Variants in SMOX observed in about 807,000 individuals in gnomAD.
The protein encoded by SMOX is flavin containing amine oxidase.
SMOX carries 22 observed loss-of-function variants against 51.0 expected under a neutral mutation model. That is an observed-to-expected ratio of 0.43 (90% CI 0.31 to 0.62). SMOX has a LOEUF of 0.62. Among genes scored for constraint, SMOX ranks in the 20% least tolerant of loss-of-function variants. The pLI is 0.10. For missense variants in SMOX, 566 were observed against 777.7 expected, an observed-to-expected ratio of 0.73 and a Z score of 3.24; for synonymous variants, 282 against 307.8, an observed-to-expected ratio of 0.92 and a Z score of 0.88.
chr20:4,187,586 G>A lies in SMOX; in HGVS notation c.*179G>A, dbSNP rs554117306. On this transcript the variant is annotated 3_prime_UTR_variant, in exon 7 of 7. Transcript: ENST00000305958. This position sits in a 1 kb window ranked among gnomAD's most constrained non-coding sequence, Gnocchi z 4.8. ...CTTTTCTTTTTCTCCAGGCTGGGCC[G>A]TGAGCAGGTGGGCCGTTGAGTTACC... 9.1e-6 allele frequency: 8 copies of A among 874,660 alleles called. No individual in the cohort carries two copies. The highest frequency in any genetic ancestry group is 2.8e-5 in the East Asian group (1 of 36,334). 54.2% of individuals were successfully genotyped at this position (874,660 alleles called of 1,614,324 possible).
At chr20:4,162,271 G>A (rs576692359) in intron 1 of SMOX, among the ~76,000 whole-genome samples, 72 of 152,354 alleles carry the variant, frequency 4.7e-4, no homozygotes, top group African/African-American at 1.7e-3. Flanking sequence ...CTCCCAGGGC[G>A]GGGTGAGGCG....
At chr20:4,169,234 C>G (rs1986716947) in intron 1 of SMOX, among the ~76,000 whole-genome samples, 1 of 152,166 alleles carries the variant, frequency 6.6e-6, no homozygotes, top group South Asian at 2.1e-4. Context: ...AACTCCTGAG[C>G]TCAAGTGATC....
rs930503757 is a variant in SMOX at position 4,181,098 on chromosome 20, G to A, written c.436-705G>A. Among the ~76,000 whole-genome samples, 13 of 152,196 alleles carry A rather than the reference G, an allele frequency of 8.5e-5. No individual in the cohort carries two copies. The highest frequency in any genetic ancestry group is 1.2e-4 in the African/African-American group (5 of 41,434). On this transcript the variant is annotated intron_variant, in intron 3 of 6. Transcript: ENST00000305958. The surrounding 1 kb of genome is among the most constrained non-coding windows in gnomAD (Gnocchi z 5.6). ...ACCCCTTTTCAAGTGACTGATCGTC[G>A]TTATCTGTTGATGAGGTGTGGGCTG...
intron 1 of SMOX, among the ~76,000 whole-genome samples, chr20:4,161,062 A>G (rs1986288779): frequency 6.6e-6 from 1 of 152,228 alleles, no homozygotes; most frequent in African/African-American, 2.4e-5. Context: ...TGAAAGAGTC[A>G]GCGGAAAGTG....
intron 1 of SMOX, among the ~76,000 whole-genome samples, chr20:4,151,356 T>A (rs1985752030): frequency 6.6e-6 from 1 of 152,232 alleles, no homozygotes; most frequent in African/African-American, 2.4e-5. Context: ...GAGAATGTTA[T>A]AGAAACTTTT....
At chr20:4,157,714 C>T (rs561434297) in intron 1 of SMOX, among the ~76,000 whole-genome samples, 3 of 151,858 alleles carry the variant, frequency 2.0e-5, no homozygotes, top group East Asian at 2.0e-4. Flanking sequence ...TGGGAGGGGG[C>T]GGTGCTGTGC....
intron 1 of SMOX, among the ~76,000 whole-genome samples, chr20:4,164,945 A>T (rs1986491274): frequency 6.6e-6 from 1 of 150,768 alleles, no homozygotes; most frequent in Non-Finnish European, 1.5e-5. Context: ...TGGCATGATC[A>T]TGGCTCATTG....
intron 1 of SMOX, among the ~76,000 whole-genome samples, chr20:4,151,051 C>G (rs1251161003): frequency 6.6e-6 from 1 of 152,064 alleles, no homozygotes; most frequent in African/African-American, 2.4e-5. Flanking sequence ...AGGCTGGTCT[C>G]GAACTCCTGA....
Position 4,183,327 on chromosome 20 carries a change from C to A in SMOX, c.1370-167C>A, listed in dbSNP as rs1387509654. 2.1e-6 allele frequency: 2 copies of A among 966,766 alleles called. No individual in the cohort carries two copies. The highest frequency in any genetic ancestry group is 2.5e-5 in the East Asian group (1 of 40,250). 59.9% of individuals were successfully genotyped at this position (966,766 alleles called of 1,614,324 possible). A position where few individuals can be genotyped will look rare whatever the true frequency, so the allele number is the denominator to read the frequency against. ...GGAGGCGCTGAGTGGGTACACAGCT[C>A]GAGCCCCAGCCTCCCTCCTTCCTCT... On this transcript the variant is annotated intron_variant, in intron 5 of 6. Coordinates refer to ENST00000305958, the MANE Select transcript of SMOX (RefSeq NM_175839.3). The surrounding 1 kb of genome is among the most constrained non-coding windows in gnomAD (Gnocchi z 4.3).
chr20:4,187,708 G>A lies in SMOX; in HGVS notation c.*301G>A, dbSNP rs180822100. Reference sequence around the variant, plus strand: ...TTTGCATTTTGGGATAATAAAAAAGGCTCCCTCCCCTGCCCCTCAGCTTCT... The same window carrying A: ...TTTGCATTTTGGGATAATAAAAAAGACTCCCTCCCCTGCCCCTCAGCTTCT... On this transcript the variant is annotated 3_prime_UTR_variant, in exon 7 of 7. Coordinates refer to ENST00000305958, the MANE Select transcript of SMOX (RefSeq NM_175839.3). This position sits in a 1 kb window ranked among gnomAD's most constrained non-coding sequence, Gnocchi z 4.8. The A allele has an allele frequency of 1.5e-4, 42 of 283,694 alleles. No homozygotes were observed. Among genetic ancestry groups the A allele is most frequent in the African/African-American group, 7.8e-4 (36 of 46,446 alleles). 17.6% of individuals were successfully genotyped at this position (283,694 alleles called of 1,614,324 possible).
At position 4,175,276 on chromosome 20, in the gene SMOX, C is replaced by T; in HGVS notation, c.208+13C>T. On this transcript the variant is annotated intron_variant, in intron 2 of 6. Coordinates refer to ENST00000305958, the MANE Select transcript of SMOX (RefSeq NM_175839.3). ...AGTGTGAAACTTGGTAAGTGCCACCCAGTCCAGCCCAGCCACCTCCCCAGG... is the reference window on the plus strand; with the variant it reads ...AGTGTGAAACTTGGTAAGTGCCACCTAGTCCAGCCCAGCCACCTCCCCAGG... 1 of 1,611,156 alleles carries T rather than the reference C, an allele frequency of 6.2e-7. No individual in the cohort carries two copies. The highest frequency in any genetic ancestry group is 8.5e-7 in the Non-Finnish European group (1 of 1,177,702).
intron 1 of SMOX, among the ~76,000 whole-genome samples, chr20:4,160,371 C>T (rs971788056): frequency 1.3e-5 from 2 of 152,070 alleles, no homozygotes; most frequent in East Asian, 1.9e-4. Flanking sequence ...GGGCAGTCCT[C>T]GGGCCTGCCG....
intron 1 of SMOX, among the ~76,000 whole-genome samples, chr20:4,157,587 G>C (rs1451363068): frequency 1.2e-4 from 18 of 152,152 alleles, no homozygotes. Flanking sequence ...GAGGCATCAG[G>C]GACTACCTTC....
intron 2 of SMOX, among the ~76,000 whole-genome samples, chr20:4,176,526 C>T (rs376307952): frequency 1.4e-4 from 22 of 152,238 alleles, no homozygotes; most frequent in Admixed American, 3.9e-4. Flanking sequence ...AAAAACAAAA[C>T]GAAACACCCC....
Position 4,183,393 on chromosome 20 carries a change from G to C in SMOX, c.1370-101G>C. 2 of 1,570,988 alleles carry C rather than the reference G, an allele frequency of 1.3e-6. No homozygotes were observed. The highest frequency in any genetic ancestry group is 8.7e-7 in the Non-Finnish European group (1 of 1,144,958). ...TACCCCTGGCAGTCTGGTCCTCCCGGAGCCCTGGAGGTGGGGTGGGGGGTT... is the reference window on the plus strand; with the variant it reads ...TACCCCTGGCAGTCTGGTCCTCCCGCAGCCCTGGAGGTGGGGTGGGGGGTT... On this transcript the variant is annotated intron_variant, in intron 5 of 6. Transcript: ENST00000305958. This position sits in a 1 kb window ranked among gnomAD's most constrained non-coding sequence, Gnocchi z 4.3.
intron 1 of SMOX, among the ~76,000 whole-genome samples, chr20:4,161,310 G>C (rs555694911): frequency 7.0e-4 from 107 of 152,332 alleles, no homozygotes; most frequent in African/African-American, 2.0e-3. Flanking sequence ...TTGGGGGTGT[G>C]CCTGGCCCTG....
chr20:4,149,990 G>A lies in SMOX; in HGVS notation c.-27+1013G>A, dbSNP rs1985653105. Among the ~76,000 whole-genome samples, 1 of 152,170 alleles carries A rather than the reference G, an allele frequency of 6.6e-6. No individual in the cohort carries two copies. The highest frequency in any genetic ancestry group is 6.5e-5 in the Admixed American group (1 of 15,280). On this transcript the variant is annotated intron_variant, in intron 1 of 6. Coordinates refer to ENST00000305958, the MANE Select transcript of SMOX (RefSeq NM_175839.3). This position sits in a 1 kb window ranked among gnomAD's most constrained non-coding sequence, Gnocchi z 6.0. ...CCCCTGGCCTCTTGTTAGGCGGAGA[G>A]GGCATCCCAATTCCTGCCGCTGGCC...
chr20:4,154,976 C>G (rs921791265), intron 1 of SMOX, among the ~76,000 whole-genome samples: 1 of 152,014 alleles, frequency 6.6e-6, no homozygotes, highest in African/African-American at 2.4e-5. Context: ...GGGTCATAGA[C>G]CAGGAACATA....
chr20:4,155,818 A>G (rs962002191), intron 1 of SMOX, among the ~76,000 whole-genome samples: 3 of 151,970 alleles, frequency 2.0e-5, no homozygotes, highest in African/African-American at 7.3e-5. Context: ...CACTACACCC[A>G]AAAGAAGGTA....
Sources: allele counts gnomAD v4.1 joint callset (sites outside exome capture counted in the v4.1 genomes callset), GRCh38; gene constraint gnomAD v4.1.1; non-coding constraint Gnocchi (gnomAD v3.1); transcripts MANE v1.5; gene names NCBI Gene and HGNC (gene_info 2026-07-23, HGNC 2026-07-21).